SPIDR: variants seen among roughly 807,000 people sequenced by gnomAD.
SPIDR encodes scaffold protein involved in DNA repair.
In SPIDR, 93 loss-of-function variants were observed where a neutral mutation model predicts 104.6. The ratio of observed to expected loss-of-function variants is 0.89; its 90% CI spans 0.75 to 1.06. The LOEUF is 1.06. SPIDR is among the 50% of genes least tolerant of loss of function. SPIDR has a pLI of 0.00. For missense variants in SPIDR, 1,154 were observed against 1,111.2 expected, an observed-to-expected ratio of 1.04 and a Z score of -0.55; for synonymous variants, 431 against 416.9, an observed-to-expected ratio of 1.03 and a Z score of -0.41.
chr8:47,726,812 A>G (rs1470057561), intron 16 of SPIDR, among the ~76,000 whole-genome samples: 1 of 151,858 alleles, frequency 6.6e-6, no homozygotes, highest in African/African-American at 2.4e-5. Context: ...TAGCTCAAAC[A>G]CTCATTACTG....
chr8:47,473,558 C>T (rs2075965100), intron 8 of SPIDR, among the ~76,000 whole-genome samples: 1 of 152,130 alleles, frequency 6.6e-6, no homozygotes. Flanking sequence ...ATCTTTTTCC[C>T]AACGCTGGAC....
intron 8 of SPIDR, among the ~76,000 whole-genome samples, chr8:47,440,810 A>G (rs1375060293): frequency 6.6e-6 from 1 of 152,198 alleles, no homozygotes; most frequent in Non-Finnish European, 1.5e-5. Context: ...ATGTGTTATA[A>G]GATCTGGCTG....
At chr8:47,569,053 A>G (rs533636272) in intron 8 of SPIDR, among the ~76,000 whole-genome samples, 8 of 152,352 alleles carry the variant, frequency 5.3e-5, no homozygotes, top group African/African-American at 1.9e-4. Flanking sequence ...ATGAGGACAG[A>G]AGGGGTTGAA....
chr8:47,323,834 C>G (rs2047207304), intron 5 of SPIDR, among the ~76,000 whole-genome samples: 1 of 152,136 alleles, frequency 6.6e-6, no homozygotes, highest in Non-Finnish European at 1.5e-5. Flanking sequence ...GACTACAGAA[C>G]CCATGGACAC....
intron 8 of SPIDR, 35 bp downstream of exon 8, chr8:47,440,577 C>G (rs782106738): frequency 6.4e-7 from 1 of 1,571,966 alleles, no homozygotes; most frequent in Non-Finnish European, 8.7e-7. Flanking sequence ...CAGTCACCAA[C>G]TGTGAGTCAG....
chr8:47,403,383 G>C (rs1226847696), intron 6 of SPIDR, among the ~76,000 whole-genome samples: 1 of 152,112 alleles, frequency 6.6e-6, no homozygotes, highest in Non-Finnish European at 1.5e-5. Context: ...AGAAATAAAG[G>C]GTGTTCAGTT....
At chr8:47,412,641 T>C (rs1275854050) in intron 7 of SPIDR, among the ~76,000 whole-genome samples, 1 of 152,224 alleles carries the variant, frequency 6.6e-6, no homozygotes, top group Non-Finnish European at 1.5e-5. Flanking sequence ...TTATTTTATT[T>C]CCAGAGTTAT....
Position 47,673,852 on chromosome 8 carries a change from G to A in SPIDR, c.1596G>A (p.Leu532=). ...GTGGAATGTTCGGTGAAGTGCACTT[G>A]GAGTTCACCATGTCGAAGGCAAGAC... is the stretch of plus-strand genomic sequence containing the variant. The part of the protein sequence containing the change: ...DACGMFGEVH[L]EFTMSKARQL... The change falls in exon 11 of 20, where the codon TTG becomes TTA. Residue 532 remains leucine (L), a synonymous_variant. Coordinates refer to ENST00000297423, the MANE Select transcript of SPIDR (RefSeq NM_001080394.4). The A allele has an allele frequency of 6.2e-7, 1 of 1,614,150 alleles. No individual in the cohort carries two copies. The highest frequency in any genetic ancestry group is 1.7e-5 in the Admixed American group (1 of 60,016).
At chr8:47,262,329 T>G (rs1257515672) in intron 1 of SPIDR, among the ~76,000 whole-genome samples, 1 of 152,212 alleles carries the variant, frequency 6.6e-6, no homozygotes, top group Non-Finnish European at 1.5e-5. Context: ...TCTTTTTTTT[T>G]ACTCAATTTT....
At chr8:47,338,875 G>A (rs535336387) in intron 5 of SPIDR, among the ~76,000 whole-genome samples, 2 of 152,016 alleles carry the variant, frequency 1.3e-5, no homozygotes, top group African/African-American at 4.8e-5. Context: ...CAGCTGTTGT[G>A]GGGGGGTCAG....
At chr8:47,695,494 A>G (rs1351875038) in intron 11 of SPIDR, among the ~76,000 whole-genome samples, 1 of 152,130 alleles carries the variant, frequency 6.6e-6, no homozygotes, top group Non-Finnish European at 1.5e-5. Flanking sequence ...AATCTCCTAG[A>G]GCAAATTCCA....
chr8:47,415,528 A>T (rs924651179), intron 7 of SPIDR, among the ~76,000 whole-genome samples: 1 of 152,244 alleles, frequency 6.6e-6, no homozygotes, highest in African/African-American at 2.4e-5. Context: ...TGGTATTAGG[A>T]GGTAAGTAAG....
At chr8:47,278,135 T>C (rs587749110) in intron 1 of SPIDR, among the ~76,000 whole-genome samples, 1 of 146,982 alleles carries the variant, frequency 6.8e-6, no homozygotes, top group South Asian at 2.1e-4. Context: ...TTCTGGTGGG[T>C]GTGAAGTGGC....
intron 5 of SPIDR, among the ~76,000 whole-genome samples, chr8:47,316,712 A>G (rs1317180938): frequency 6.6e-6 from 1 of 152,212 alleles, no homozygotes; most frequent in Non-Finnish European, 1.5e-5. Context: ...ATTAATTGCG[A>G]AAAGTCTTAG....
intron 5 of SPIDR, among the ~76,000 whole-genome samples, chr8:47,357,441 C>G (rs1233547504): frequency 1.3e-5 from 2 of 152,140 alleles, no homozygotes; most frequent in Admixed American, 6.5e-5. Flanking sequence ...GAGACATCCA[C>G]CAGGCTTAGC....
intron 7 of SPIDR, among the ~76,000 whole-genome samples, chr8:47,413,453 A>T (rs1296794121): frequency 6.6e-6 from 1 of 152,220 alleles, no homozygotes; most frequent in Non-Finnish European, 1.5e-5. Context: ...GCCATATGAA[A>T]ATAATCATTT....
intron 8 of SPIDR, among the ~76,000 whole-genome samples, chr8:47,594,815 A>C (rs2061468793): frequency 6.6e-6 from 1 of 152,062 alleles, no homozygotes; most frequent in African/African-American, 2.4e-5. Context: ...CCAACATGGC[A>C]AAACCTTCTC....
At chr8:47,354,684 C>G (rs140110384) in intron 5 of SPIDR, among the ~76,000 whole-genome samples, 143 of 151,988 alleles carry the variant, frequency 9.4e-4, no homozygotes, top group African/African-American at 3.4e-3. Context: ...CTCTGTTGCC[C>G]AGGCTGAAGT....
intron 10 of SPIDR, among the ~76,000 whole-genome samples, chr8:47,601,542 A>T (rs2062286399): frequency 6.6e-6 from 1 of 152,042 alleles, no homozygotes; most frequent in Non-Finnish European, 1.5e-5. Context: ...AAAAATACGA[A>T]AATTAGTTGG....
Sources: allele counts gnomAD v4.1 joint callset (sites outside exome capture counted in the v4.1 genomes callset), GRCh38; gene constraint gnomAD v4.1.1; transcripts MANE v1.5; gene names NCBI Gene and HGNC (gene_info 2026-07-23, HGNC 2026-07-21).